The following B3GALT1 variants were observed in gnomAD, a reference collection of about 807,000 sequenced individuals.
The protein encoded by B3GALT1 is UDP-Gal:betaGlcNAc beta 1,3-galactosyltransferase, polypeptide 1.
In B3GALT1, 10 loss-of-function variants were observed where a neutral mutation model predicts 23.2. The observed-to-expected ratio is 0.43, with a 90% confidence interval of 0.27 to 0.73. The LOEUF is 0.73. Ranked by LOEUF, B3GALT1 falls within the 30% of genes least tolerant of loss-of-function variation. The pLI is 0.21. For synonymous variants in B3GALT1, 156 were observed against 141.5 expected (o/e 1.10, Z -0.73); for missense variants, 299 against 405.4 (o/e 0.74, Z 2.25).
chr2:167,493,407 A>G (rs895685917), intron 2 of B3GALT1, among the ~76,000 whole-genome samples: 1 of 152,220 alleles, frequency 6.6e-6, no homozygotes, highest in Non-Finnish European at 1.5e-5. Context: ...ATCAGTTACT[A>G]TAGAAATATT....
intron 1 of B3GALT1, among the ~76,000 whole-genome samples, chr2:167,392,150 A>G (rs1451786896): frequency 6.6e-6 from 1 of 151,848 alleles, no homozygotes; most frequent in Admixed American, 6.6e-5. Context: ...TCCTACGAGT[A>G]AACTAGACCA....
chr2:167,452,454 G>A (rs2105320781), intron 1 of B3GALT1, among the ~76,000 whole-genome samples: 1 of 152,248 alleles, frequency 6.6e-6, no homozygotes, highest in South Asian at 2.1e-4. Flanking sequence ...CTTCTCCTGT[G>A]ATCTGAACCT....
At chr2:167,558,558 G>A (rs1683898084) in intron 2 of B3GALT1, among the ~76,000 whole-genome samples, 1 of 152,182 alleles carries the variant, frequency 6.6e-6, no homozygotes, top group Non-Finnish European at 1.5e-5. Flanking sequence ...CCTGGTCAAG[G>A]AAAGGGGTGA....
intron 1 of B3GALT1, among the ~76,000 whole-genome samples, chr2:167,312,495 C>A (rs2105487123): frequency 6.6e-6 from 1 of 151,842 alleles, no homozygotes; most frequent in South Asian, 2.1e-4. Context: ...ATGCTCAGTA[C>A]AAAGAACACT....
At chr2:167,601,002 A>T (rs1005701210) in intron 2 of B3GALT1, among the ~76,000 whole-genome samples, 1 of 152,250 alleles carries the variant, frequency 6.6e-6, no homozygotes. Flanking sequence ...GAACTAGATT[A>T]TTATACCGTC....
At chr2:167,744,345 A>G (rs1437306518) in intron 3 of B3GALT1, among the ~76,000 whole-genome samples, 1 of 152,108 alleles carries the variant, frequency 6.6e-6, no homozygotes, top group African/African-American at 2.4e-5. Context: ...TTCTATTTGT[A>G]GTGCTAGCAA....
chr2:167,642,258 G>A (rs1008571010), intron 2 of B3GALT1, among the ~76,000 whole-genome samples: 3 of 152,062 alleles, frequency 2.0e-5, no homozygotes, highest in East Asian at 1.9e-4. Flanking sequence ...TTTCACCATC[G>A]GGGGGTCCAG....
chr2:167,618,728 A>T (rs1685205720), intron 2 of B3GALT1, among the ~76,000 whole-genome samples: 1 of 151,976 alleles, frequency 6.6e-6, no homozygotes, highest in South Asian at 2.1e-4. Context: ...TGAAGAATAC[A>T]GGTCATTTAT....
intron 3 of B3GALT1, among the ~76,000 whole-genome samples, chr2:167,682,303 G>T (rs1574210508): frequency 6.6e-6 from 1 of 152,300 alleles, no homozygotes; most frequent in East Asian, 1.9e-4. Flanking sequence ...CGAATTAAAA[G>T]TATCAAATAG....
intron 1 of B3GALT1, among the ~76,000 whole-genome samples, chr2:167,428,007 C>T (rs1698649948): frequency 6.6e-6 from 1 of 152,130 alleles, no homozygotes; most frequent in Admixed American, 6.5e-5. Flanking sequence ...CAATAAAGTG[C>T]AGAGTCTGCT....
chr2:167,669,822 C>T (rs1427406293), intron 3 of B3GALT1, among the ~76,000 whole-genome samples: 1 of 152,048 alleles, frequency 6.6e-6, no homozygotes, highest in East Asian at 1.9e-4. Context: ...GCTTCCCAAG[C>T]CATGTGGGAC....
At chr2:167,301,528 A>G (rs1314407291) in intron 1 of B3GALT1, among the ~76,000 whole-genome samples, 1 of 152,054 alleles carries the variant, frequency 6.6e-6, no homozygotes, top group Non-Finnish European at 1.5e-5. Flanking sequence ...TCCTACCAAG[A>G]CCACATTCTT....
chr2:167,451,250 G>C (rs116017323), intron 1 of B3GALT1, among the ~76,000 whole-genome samples: 2,659 of 151,412 alleles, frequency 0.018, 84 homozygotes, highest in African/African-American at 0.062. Context: ...GTGTGATTTT[G>C]TGGGGATGTT....
At chr2:167,643,934 G>T (rs969090223) in intron 2 of B3GALT1, among the ~76,000 whole-genome samples, 1 of 152,152 alleles carries the variant, frequency 6.6e-6, no homozygotes, top group Non-Finnish European at 1.5e-5. Flanking sequence ...GAATTGTCTT[G>T]TCTTTACCTC....
At chr2:167,429,940 T>C (rs1451108447) in intron 1 of B3GALT1, among the ~76,000 whole-genome samples, 1 of 152,226 alleles carries the variant, frequency 6.6e-6, no homozygotes, top group Non-Finnish European at 1.5e-5. Context: ...TTCTAAACAC[T>C]GGATATACAA....
At chr2:167,598,044 C>G (rs1412202528) in intron 2 of B3GALT1, among the ~76,000 whole-genome samples, 1 of 152,060 alleles carries the variant, frequency 6.6e-6, no homozygotes, top group Admixed American at 6.5e-5. Context: ...GCTTTGGTAT[C>G]TAGTTAATCT....
At chr2:167,608,074 GA>G (rs1354463229) in intron 2 of B3GALT1, among the ~76,000 whole-genome samples, 3 of 152,126 alleles carry the variant, frequency 2.0e-5, no homozygotes, top group Non-Finnish European at 4.4e-5. Context: ...ATTATGAAAA[GA>G]AGGCATTCCT....
At chr2:167,561,216 A>C (rs970091125) in intron 2 of B3GALT1, among the ~76,000 whole-genome samples, 2 of 152,242 alleles carry the variant, frequency 1.3e-5, no homozygotes, top group Admixed American at 1.3e-4. Context: ...TGGGTACATA[A>C]CAAAATGAAG....
chr2:167,772,281 C>T (rs964143493), intron 3 of B3GALT1, among the ~76,000 whole-genome samples: 2 of 152,236 alleles, frequency 1.3e-5, no homozygotes, highest in African/African-American at 4.8e-5. Flanking sequence ...GATATTTTCC[C>T]TAGTAATAAT....
Sources: allele counts gnomAD v4.1 joint callset (sites outside exome capture counted in the v4.1 genomes callset), GRCh38; gene constraint gnomAD v4.1.1; transcripts MANE v1.5; gene names NCBI Gene and HGNC (gene_info 2026-07-23, HGNC 2026-07-21).